The following CHRNE variants were observed in gnomAD, a reference collection of about 807,000 sequenced individuals.
The protein encoded by CHRNE is acetylcholine receptor subunit epsilon.
Under a neutral mutation model 56.5 loss-of-function variants are expected in CHRNE, and 58 were observed. The ratio of observed to expected loss-of-function variants is 1.03; its 90% CI spans 0.83 to 1.28. The LOEUF is 1.28. Among genes scored for constraint, CHRNE ranks in the 50% most tolerant of loss-of-function variants. The probability of loss-of-function intolerance (pLI) is 0.00; values close to 1 mark genes in which losing one functional copy is unlikely to be tolerated. For synonymous variants in CHRNE, 385 were observed against 297.9 expected, an observed-to-expected ratio of 1.29 and a Z score of -3.01; for missense variants, 793 against 688.9, an observed-to-expected ratio of 1.15 and a Z score of -1.69.
intron 6 of CHRNE, 46 bp from the exon 7 acceptor site, chr17:4,901,236 C>G (rs763066225): frequency 6.3e-7 from 1 of 1,585,332 alleles, no homozygotes; most frequent in Non-Finnish European, 8.6e-7. Context: ...GCGGGGCGCC[C>G]GCCGAGCTGA....
Position 4,900,881 on chromosome 17 carries a change from T to C in CHRNE, c.829A>G (p.Ile277Val). The change falls in exon 8 of 12, where the codon ATC becomes GTC. Residue 277 changes from isoleucine to valine, a missense_variant. By Grantham distance (29) the Ile-to-Val change is conservative (BLOSUM62 3). Coordinates refer to ENST00000649488, the MANE Select transcript of CHRNE (RefSeq NM_000080.4). ...ACGGTCTGGGCGAGCAGGACGTTGA[T>C]GGAGACCGTGCATTTCTGGCCGCCG... ...QAGGQKCTVS[I>V]NVLLAQTVFL... 2 of 1,614,118 alleles carry C rather than the reference T, an allele frequency of 1.2e-6. No individual in the cohort carries two copies. Among genetic ancestry groups the C allele is most frequent in the Non-Finnish European group, 1.7e-6 (2 of 1,179,978 alleles).
rs1472781867 is a variant in CHRNE, at chr17:4,902,282, C to T, written c.279G>A (p.Gly93=). ...YRLNYSKDDF[G]GIETLRVPSE... The stretch of plus-strand genomic sequence containing the variant: ...AAGGGACTCGCAGGGTTTCTATACC[C>T]CCAAAGTCGTCCTTGCTGTAGTTGA... The change falls in exon 4 of 12, where the codon GGG becomes GGA. Residue 93 remains glycine (G), a synonymous_variant. Coordinates refer to ENST00000649488, the MANE Select transcript of CHRNE (RefSeq NM_000080.4). The surrounding 1 kb of genome is among the most constrained non-coding windows in gnomAD (Gnocchi z 4.0). The T allele has an allele frequency of 1.2e-6, 2 of 1,614,178 alleles. No homozygotes were observed. The highest frequency in any genetic ancestry group is 1.7e-5 in the Admixed American group (1 of 60,022).
intron 8 of CHRNE, chr17:4,900,218 C>T: frequency 1.3e-6 from 2 of 1,545,526 alleles, no homozygotes; most frequent in South Asian, 1.2e-5. Flanking sequence ...CCCCGCTAAC[C>T]CCTGTGCCCC....
chr17:4,907,953 G>A (rs1488050076), upstream of CHRNE, among the ~76,000 whole-genome samples: 1 of 152,118 alleles, frequency 6.6e-6, no homozygotes, highest in African/African-American at 2.4e-5. Flanking sequence ...GAGGCGGGCG[G>A]ATCACGAGGT....
In CHRNE at chr17:4,901,540, T is replaced by A; in HGVS notation, c.586A>T (p.Thr196Ser). 6.2e-7 allele frequency: 1 copy of A among 1,614,124 alleles called. No individual in the cohort carries two copies. The highest frequency in any genetic ancestry group is 8.5e-7 in the Non-Finnish European group (1 of 1,179,986). ...GGGGCTTCACCAGTATAGGCCTCTG[T>A]GTCGATGTCGATCTTGTTGATGGTC... is the stretch of plus-strand genomic sequence containing the variant. ...GKTINKIDID[T>S]EAYTENGEWA... is the part of the protein sequence containing the mutation. The change falls in exon 6 of 12, where the codon ACA becomes TCA. Residue 196 changes from threonine to serine, a missense_variant. Transcript: ENST00000649488.
In CHRNE at chr17:4,899,608, C is replaced by T. The variant is rs1260792460; in HGVS notation, c.918-26G>A. ...CTGAGGAGCCCGGAAGGCATGACATCACCGTTCCTCCTCCCAGCTACCGAA... is the reference window on the plus strand; with the variant it reads ...CTGAGGAGCCCGGAAGGCATGACATTACCGTTCCTCCTCCCAGCTACCGAA... On this transcript the variant is annotated intron_variant, in intron 8 of 11. Transcript: ENST00000649488. 5.3e-6 allele frequency: 8 copies of T among 1,519,104 alleles called. No individual in the cohort carries two copies. In the South Asian group the frequency reaches 8.4e-5, roughly 16 times the overall value. 94.1% of individuals were successfully genotyped at this position (1,519,104 alleles called of 1,614,324 possible). A position where few individuals can be genotyped will look rare whatever the true frequency, so the allele number is the denominator to read the frequency against.
chr17:4,903,321 A>T (rs1441157978), upstream of CHRNE, among the ~76,000 whole-genome samples: 1 of 151,920 alleles, frequency 6.6e-6, no homozygotes, highest in African/African-American at 2.4e-5. Context: ...CCAGCCACAG[A>T]TGTGGGCGTC....
Position 4,901,574 on chromosome 17 carries a change from G to C in CHRNE, c.552C>G (p.Asn184Lys), listed in dbSNP as rs978516236. ...CGATCTTGTTGATGGTCTTGCCGTC[G>C]TTGTCTACGGCAAAAGTGAACTCCA... ...EEVEFTFAVD[N>K]DGKTINKIDI... is the part of the protein sequence containing the mutation. The change falls in exon 6 of 12, where the codon AAC (asparagine) becomes AAG (lysine). Residue 184 changes from asparagine to lysine, a missense_variant. Asn to Lys is a moderately conservative substitution (Grantham distance 94). Coordinates refer to ENST00000649488, the MANE Select transcript of CHRNE (RefSeq NM_000080.4). 4.3e-6 allele frequency: 7 copies of C among 1,614,144 alleles called. No homozygotes were observed. In the South Asian group the frequency reaches 7.7e-5, roughly 18 times the overall value.
upstream of CHRNE, among the ~76,000 whole-genome samples, chr17:4,905,809 C>T (rs1022870758): frequency 1.3e-5 from 2 of 150,128 alleles, no homozygotes; most frequent in African/African-American, 4.9e-5. Context: ...TGCAGTGAGC[C>T]GAGATCGTGC....
At chr17:4,901,700 T>C (rs1969990915) in intron 5 of CHRNE, 75 bp from the exon 6 acceptor site, 1 of 1,471,484 alleles carries the variant, frequency 6.8e-7, no homozygotes, top group Admixed American at 1.7e-5. Flanking sequence ...CCCTGGAAGC[T>C]GGGATCTAGC....
Position 4,902,821 on chromosome 17 carries a change from T to TC in CHRNE, c.47-59dup. On this transcript the variant is annotated intron_variant, in intron 1 of 11. Coordinates refer to ENST00000649488, the MANE Select transcript of CHRNE (RefSeq NM_000080.4). The surrounding 1 kb of genome is among the most constrained non-coding windows in gnomAD (Gnocchi z 4.0). Reference sequence around the variant, plus strand: ...CAATGAAGAGGCTGGAGCACCTCTCTCCCCTCTGCCTCCCCTGGGTCCTCA... The same window carrying TC: ...CAATGAAGAGGCTGGAGCACCTCTCTCCCCCTCTGCCTCCCCTGGGTCCTCA... 3 of 1,612,166 alleles carry TC rather than the reference T, an allele frequency of 1.9e-6. No homozygotes were observed. Among genetic ancestry groups the TC allele is most frequent in the African/African-American group, 1.3e-5 (1 of 74,960 alleles).
rs752926340 is a variant in CHRNE at position 4,901,030 on chromosome 17, G to A, written c.762C>T (p.Ile254=). ...AGTAGGCGAGCAGCACCAGGCCCGAGATGAGCACACAGGGCACGATGATGT... is the reference window on the plus strand; with the variant it reads ...AGTAGGCGAGCAGCACCAGGCCCGAAATGAGCACACAGGGCACGATGATGT... ...VINIIVPCVL[I]SGLVLLAYFL... The change falls in exon 7 of 12, where the codon ATC becomes ATT. Residue 254 remains isoleucine (I), a synonymous_variant. Coordinates refer to ENST00000649488, the MANE Select transcript of CHRNE (RefSeq NM_000080.4). The A allele has an allele frequency of 5.6e-6, 9 of 1,613,964 alleles. No individual in the cohort carries two copies. The highest frequency in any genetic ancestry group is 5.0e-5 in the Admixed American group (3 of 60,012).
intron 1 of CHRNE, among the ~76,000 whole-genome samples, chr17:4,908,252 G>C (rs1003183195): frequency 5.9e-5 from 9 of 152,250 alleles, no homozygotes; most frequent in Non-Finnish European, 8.8e-5. Context: ...GCGGGTTACA[G>C]TGAGTAGAAA....
intron 8 of CHRNE, 170 bp downstream of exon 8, chr17:4,900,623 A>G (rs952266614): frequency 3.3e-6 from 5 of 1,506,056 alleles, no homozygotes; most frequent in Admixed American, 2.0e-5. Context: ...GTCCAGCAGC[A>G]GTGAGGAGGA....
intron 5 of CHRNE, 50 bp downstream of exon 5, chr17:4,901,882 A>C: frequency 1.3e-5 from 19 of 1,483,932 alleles, no homozygotes; most frequent in African/African-American, 1.5e-5. Flanking sequence ...CCGCCCCATA[A>C]GGCCCCCCCC....
Position 4,899,212 on chromosome 17 carries a change from T to TA in CHRNE, c.1204_1205insT (p.Gln402LeufsTer54). 6.2e-7 allele frequency: 1 copy of TA among 1,605,828 alleles called. No homozygotes were observed. The highest frequency in any genetic ancestry group is 8.5e-7 in the Non-Finnish European group (1 of 1,178,340). ...ACTGTGCTCACCCGTCCAGGTCCCC[T>TA]GCCGGTGCCTCTGCCCCTCAAACAC... On this transcript the variant is annotated frameshift_variant, in exon 10 of 12. Coordinates refer to ENST00000649488, the MANE Select transcript of CHRNE (RefSeq NM_000080.4). LOFTEE classifies it high-confidence loss of function.
Position 4,898,619 on chromosome 17 carries a change from C to T in CHRNE, c.*117G>A, listed in dbSNP as rs369991502. ...GGGCACACACCATTCTTGTGAAGTT[C>T]ACAAACTGCAGATTGATCAGCAGGG... On this transcript the variant is annotated 3_prime_UTR_variant, in exon 12 of 12. Coordinates refer to ENST00000649488, the MANE Select transcript of CHRNE (RefSeq NM_000080.4). 3.3e-5 allele frequency: 46 copies of T among 1,390,608 alleles called. No homozygotes were observed. In the African/African-American group the frequency reaches 5.3e-4, roughly 16 times the overall value. The allele number at this position is 1,390,608 out of a possible 1,614,324, so 86.1% of individuals were successfully genotyped here. A position where few individuals can be genotyped will look rare whatever the true frequency, so the allele number is the denominator to read the frequency against.
Position 4,902,966 on chromosome 17 carries a change from T to C in CHRNE, c.46+52A>G. 1 of 1,610,766 alleles carries C rather than the reference T, an allele frequency of 6.2e-7. No homozygotes were observed. The highest frequency in any genetic ancestry group is 8.5e-7 in the Non-Finnish European group (1 of 1,177,004). On this transcript the variant is annotated intron_variant, in intron 1 of 11. Coordinates refer to ENST00000649488, the MANE Select transcript of CHRNE (RefSeq NM_000080.4). The surrounding 1 kb of genome is among the most constrained non-coding windows in gnomAD (Gnocchi z 4.0). The stretch of plus-strand genomic sequence containing the variant: ...TCTCTGTCTTTGTCTTCCCAGTCCC[T>C]TCATGTCAGTATCTGTGTGTGTCCA...
Position 4,898,904 on chromosome 17 carries a change from C to G in CHRNE, c.1327-13G>C, listed in dbSNP as rs745934587. On this transcript the variant is annotated splice_polypyrimidine_tract_variant and intron_variant, in intron 11 of 11. Coordinates refer to ENST00000649488, the MANE Select transcript of CHRNE (RefSeq NM_000080.4). ...AGTCGGACACTTCCTGGGGAAGGGT[C>G]GGCACAGTCAGTAAAGAGGCAGCTG... 8 of 1,572,538 alleles carry G rather than the reference C, an allele frequency of 5.1e-6. No homozygotes were observed. Among genetic ancestry groups the G allele is most frequent in the Admixed American group, 3.8e-5 (2 of 52,628 alleles).
Sources: gnomAD v4.1 joint callset for allele counts (sites outside exome capture counted in the v4.1 genomes callset) on GRCh38, gnomAD v4.1.1 for gene constraint, Gnocchi (gnomAD v3.1) non-coding constraint, MANE v1.5 for transcripts, NCBI Gene and HGNC (gene_info 2026-07-23, HGNC 2026-07-21) for gene names.